Variants in ISLR2 observed in about 807,000 individuals in gnomAD.
ISLR2 encodes immunoglobulin superfamily containing leucine-rich repeat protein 2.
A neutral mutation model predicts 25.5 loss-of-function variants in ISLR2; 16 were observed. That is an observed-to-expected ratio of 0.63 (90% CI 0.43 to 0.95). The LOEUF (loss-of-function observed/expected upper bound fraction) is 0.95, where lower values mean the gene tolerates loss of function less well. Ranked by LOEUF, ISLR2 falls within the 40% of genes least tolerant of loss-of-function variation. The probability of loss-of-function intolerance (pLI) is 0.00; values close to 1 mark genes in which losing one functional copy is unlikely to be tolerated. For synonymous variants in ISLR2, 508 were observed against 486.6 expected, an observed-to-expected ratio of 1.04 and a Z score of -0.58; for missense variants, 883 against 1,030.7, an observed-to-expected ratio of 0.86 and a Z score of 1.96.
chr15:74,108,719 A>G (rs1452594660), intron 2 of ISLR2, among the ~76,000 whole-genome samples: 1 of 152,240 alleles, frequency 6.6e-6, no homozygotes, highest in Non-Finnish European at 1.5e-5. Flanking sequence ...CAAGCGGAAC[A>G]CATGTCCCAA....
In ISLR2 at chr15:74,133,395, C is replaced by T; in HGVS notation, c.641C>T (p.Pro214Leu). The T allele has an allele frequency of 1.2e-6, 2 of 1,607,132 alleles. No individual in the cohort carries two copies. The highest frequency in any genetic ancestry group is 1.7e-6 in the Non-Finnish European group (2 of 1,179,740). The change falls in exon 3 of 3, where the codon CCT becomes CTT. Residue 214 changes from proline to leucine, a missense_variant. By Grantham distance (98) the Pro-to-Leu change is moderately conservative. Coordinates refer to ENST00000453268, the MANE Select transcript of ISLR2 (RefSeq NM_020851.3). ...CCCGACTCCATTGCTTGTGCCTCGCCTCCCGCGCTGCAGGGGGTGCCGGTG... is the reference window on the plus strand; with the variant it reads ...CCCGACTCCATTGCTTGTGCCTCGCTTCCCGCGCTGCAGGGGGTGCCGGTG... ...PEPDSIACAS[P>L]PALQGVPVYR...
downstream of ISLR2, among the ~76,000 whole-genome samples, chr15:74,137,281 T>A (rs1304635463): frequency 6.6e-6 from 1 of 152,162 alleles, no homozygotes; most frequent in Non-Finnish European, 1.5e-5. Context: ...AAGACCGCTG[T>A]GGCTTGCACA....
downstream of ISLR2, chr15:74,138,596 A>G (rs1455399676): frequency 1.3e-5 from 2 of 152,470 alleles, no homozygotes; most frequent in Admixed American, 1.3e-4. Flanking sequence ...AAATTGTCCT[A>G]CAAAGATTCT....
At chr15:74,125,883 A>G (rs2072290775), upstream of ISLR2, 1 of 152,242 alleles carries the variant, frequency 6.6e-6, no homozygotes, top group Admixed American at 6.5e-5. Context: ...TTTTCCCTAG[A>G]AAATAATTAA....
chr15:74,127,944 A>T (rs1380563860), upstream of ISLR2: 6 of 158,218 alleles, frequency 3.8e-5, no homozygotes. Context: ...GCAGATTCTG[A>T]ATCTGGGACC....
Position 74,135,543 on chromosome 15 carries a change from C to G in ISLR2, c.*551C>G. On this transcript the variant is annotated 3_prime_UTR_variant, in exon 3 of 3. Coordinates refer to ENST00000453268, the MANE Select transcript of ISLR2 (RefSeq NM_020851.3). ...TTTTTGACGGAGTCTTGGTCTGTCG[C>G]CAGGCTGGAGTGCAGTGGCGCGATC... 6.1e-6 allele frequency: 1 copy of G among 163,430 alleles called. No individual in the cohort carries two copies. The allele number at this position is 163,430 out of a possible 1,614,324, so 10.1% of individuals were successfully genotyped here.
chr15:74,126,896 T>TG (rs2072304024), upstream of ISLR2: 1 of 122,312 alleles, frequency 8.2e-6, no homozygotes, highest in Admixed American at 8.4e-5. Flanking sequence ...GAGAGAACAT[T>TG]TGTGTGTGTG....
At chr15:74,106,864 G>A (rs1367784745) in intron 2 of ISLR2, among the ~76,000 whole-genome samples, 1 of 152,086 alleles carries the variant, frequency 6.6e-6, no homozygotes, top group Non-Finnish European at 1.5e-5. Context: ...GGACTTCTAC[G>A]GGGCCCACCA....
At position 74,134,009 on chromosome 15, in the gene ISLR2, G is replaced by A. The variant is rs774994506; in HGVS notation, c.1255G>A (p.Gly419Ser). The A allele has an allele frequency of 2.7e-5, 43 of 1,612,894 alleles. No homozygotes were observed. The highest frequency in any genetic ancestry group is 3.3e-4 in the Middle Eastern group (2 of 6,082). The stretch of plus-strand genomic sequence containing the variant: ...TTCCAAACCCGAGGGCAAAATCAAA[G>A]GCCAAGGCCTGGCCAAGGTCAGCAT... ...LPSKPEGKIKGQGLAKVSILG... is the reference protein window; with the variant it reads ...LPSKPEGKIKSQGLAKVSILG... Residue 419 changes from glycine to serine, a missense_variant, in exon 3 of 3, where the codon GGC (glycine) becomes AGC (serine). Gly to Ser is a moderately conservative substitution (Grantham distance 56). This residue lies in a region of ISLR2 where 612 missense variants were observed against 642.8 expected (regional missense o/e 0.95). Coordinates refer to ENST00000453268, the MANE Select transcript of ISLR2 (RefSeq NM_020851.3).
chr15:74,109,873 G>A (rs2072152408), intron 2 of ISLR2, among the ~76,000 whole-genome samples: 1 of 152,104 alleles, frequency 6.6e-6, no homozygotes, highest in African/African-American at 2.4e-5. Context: ...ACAGCTCACG[G>A]CAGCCTCAAA....
At chr15:74,103,011 T>C (rs1387701543) in intron 1 of ISLR2, among the ~76,000 whole-genome samples, 2 of 151,094 alleles carry the variant, frequency 1.3e-5, no homozygotes, top group East Asian at 1.9e-4. Context: ...TTTCACCATG[T>C]TGGCCAGGCT....
At position 74,134,371 on chromosome 15, in the gene ISLR2, G is replaced by C. The variant is rs758725854; in HGVS notation, c.1617G>C (p.Ala539=). 1.2e-5 allele frequency: 20 copies of C among 1,604,052 alleles called. No individual in the cohort carries two copies. In the South Asian group the frequency reaches 2.1e-4, roughly 17 times the overall value. The part of the protein sequence containing the change: ...LLYLCPAGGG[A]AVQWSRVEEG... ...ATCTGTGTCCAGCGGGGGGCGGCGC[G>C]GCAGTGCAGTGGTCCCGCGTAGAGG... The change falls in exon 3 of 3, where the codon GCG becomes GCC. Residue 539 remains alanine, a synonymous_variant. Transcript: ENST00000453268.
chr15:74,113,853 G>A (rs150173250), intron 2 of ISLR2, among the ~76,000 whole-genome samples: 39 of 152,290 alleles, frequency 2.6e-4, no homozygotes, highest in African/African-American at 7.9e-4. Flanking sequence ...CACTGAAATC[G>A]CTGTTTAGCT....
At chr15:74,108,668 C>T (rs1402673312) in intron 2 of ISLR2, among the ~76,000 whole-genome samples, 1 of 152,242 alleles carries the variant, frequency 6.6e-6, no homozygotes, top group Non-Finnish European at 1.5e-5. Flanking sequence ...TCACCAAATA[C>T]CCACTGTCCA....
chr15:74,137,386 C>T (rs1193299056), downstream of ISLR2, among the ~76,000 whole-genome samples: 1 of 152,128 alleles, frequency 6.6e-6, no homozygotes, highest in African/African-American at 2.4e-5. Flanking sequence ...CAGAGCGAGC[C>T]GGCACGTTTG....
chr15:74,138,391 C>T (rs1180081556), downstream of ISLR2: 2 of 139,304 alleles, frequency 1.4e-5, no homozygotes, highest in South Asian at 2.3e-4. Flanking sequence ...GCTTTAAACA[C>T]AAGATGAAAA....
chr15:74,112,200 C>A (rs2072173490), intron 2 of ISLR2, among the ~76,000 whole-genome samples: 1 of 152,202 alleles, frequency 6.6e-6, no homozygotes, highest in African/African-American at 2.4e-5. Flanking sequence ...CCATTCAATG[C>A]ACAATTGCCC....
intron 2 of ISLR2, among the ~76,000 whole-genome samples, chr15:74,107,335 A>G (rs775739401): frequency 4.1e-4 from 63 of 152,178 alleles, no homozygotes; most frequent in Non-Finnish European, 1.2e-4. Flanking sequence ...GTCCCCAGAG[A>G]GTCCCCTCAG....
Position 74,136,376 on chromosome 15 carries a change from C to T in ISLR2, c.*1384C>T. 1 of 164,926 alleles carries T rather than the reference C, an allele frequency of 6.1e-6. No individual in the cohort carries two copies. The allele number at this position is 164,926 out of a possible 1,614,324, so 10.2% of individuals were successfully genotyped here. A position where few individuals can be genotyped will look rare whatever the true frequency, so the allele number is the denominator to read the frequency against. ...GCCTGCTCGTGACTGTGCGACTGTGCGACGGGATCCGGATGGAGCCGAGCC... is the reference window on the plus strand; with the variant it reads ...GCCTGCTCGTGACTGTGCGACTGTGTGACGGGATCCGGATGGAGCCGAGCC... On this transcript the variant is annotated 3_prime_UTR_variant, in exon 3 of 3. Coordinates refer to ENST00000453268, the MANE Select transcript of ISLR2 (RefSeq NM_020851.3).
Sources: allele counts gnomAD v4.1 joint callset (sites outside exome capture counted in the v4.1 genomes callset), GRCh38; gene constraint gnomAD v4.1.1; regional missense constraint gnomAD v4.1.1; transcripts MANE v1.5; gene names NCBI Gene and HGNC (gene_info 2026-07-23, HGNC 2026-07-21).